CDC20B: variants seen among roughly 807,000 people sequenced by gnomAD.
CDC20B encodes cell division cycle 20B.
Under a neutral mutation model 64.1 loss-of-function variants are expected in CDC20B, and 58 were observed. That is an observed-to-expected ratio of 0.90 (90% CI 0.73 to 1.13). The LOEUF is 1.13. CDC20B is among the 50% of genes most tolerant of loss of function. The pLI is 0.00. For missense variants in CDC20B, 597 were observed against 633.0 expected (o/e 0.94, Z 0.61); for synonymous variants, 243 against 230.6 (o/e 1.05, Z -0.49).
At chr5:55,138,450 G>A (rs977870854) in intron 5 of CDC20B, among the ~76,000 whole-genome samples, 5 of 152,004 alleles carry the variant, frequency 3.3e-5, no homozygotes, top group South Asian at 4.2e-4. Flanking sequence ...TTGACCCACC[G>A]CGCCTATACT....
At chr5:55,118,139 AAAAG>A (rs1742667619) in intron 11 of CDC20B, among the ~76,000 whole-genome samples, 1 of 152,096 alleles carries the variant, frequency 6.6e-6, no homozygotes, top group Admixed American at 6.5e-5. Context: ...AATAAAAAGA[AAAAG>A]AAAAGAAGAA....
At chr5:55,117,968 A>C (rs770542719) in intron 11 of CDC20B, among the ~76,000 whole-genome samples, 3 of 151,880 alleles carry the variant, frequency 2.0e-5, no homozygotes, top group Admixed American at 1.3e-4. Context: ...TACACACAAA[A>C]ATTAGCCAGG....
chr5:55,167,082 C>T (rs1488400166), intron 2 of CDC20B: 1 of 152,104 alleles, frequency 6.6e-6, no homozygotes, highest in Non-Finnish European at 1.5e-5. Flanking sequence ...TATCAGGCAT[C>T]ACATGAAAGA....
At chr5:55,153,972 A>G (rs1387810028) in intron 2 of CDC20B, among the ~76,000 whole-genome samples, 1 of 152,208 alleles carries the variant, frequency 6.6e-6, no homozygotes, top group African/African-American at 2.4e-5. Context: ...GGTCCCATTA[A>G]CAGAAAAATA....
intron 11 of CDC20B, among the ~76,000 whole-genome samples, chr5:55,115,455 T>C (rs1389355602): frequency 6.6e-6 from 1 of 152,182 alleles, no homozygotes; most frequent in Non-Finnish European, 1.5e-5. Flanking sequence ...TTCTTTTAAT[T>C]TGAGCATCTC....
chr5:55,170,394 T>C, intron 2 of CDC20B: 1 of 377,796 alleles, frequency 2.6e-6, no homozygotes, highest in African/African-American at 2.1e-5. Flanking sequence ...CTTACCATTA[T>C]AAAACTGTGC....
intron 2 of CDC20B, chr5:55,170,522 T>C (rs774745711): frequency 1.9e-6 from 1 of 534,772 alleles, no homozygotes; most frequent in South Asian, 1.4e-5. Context: ...AGTTACACTC[T>C]GATGTTCATT....
At chr5:55,140,200 T>C in intron 5 of CDC20B, 114 bp downstream of exon 5, 1 of 546,994 alleles carries the variant, frequency 1.8e-6, no homozygotes, top group Non-Finnish European at 3.1e-6. Context: ...ATTTTACAAT[T>C]AGGTTGATTT....
At chr5:55,172,792 C>T in intron 1 of CDC20B, 142 bp from the exon 2 acceptor site, 1 of 758,844 alleles carries the variant, frequency 1.3e-6, no homozygotes, top group Non-Finnish European at 2.0e-6. Context: ...TAGGCACCTT[C>T]AGAATATAAC....
chr5:55,115,402 G>C (rs1256686669), intron 11 of CDC20B, among the ~76,000 whole-genome samples: 1 of 152,168 alleles, frequency 6.6e-6, no homozygotes, highest in African/African-American at 2.4e-5. Flanking sequence ...TCGGAGATGA[G>C]GCAACAACAG....
chr5:55,170,877 T>C (rs1580383360), intron 2 of CDC20B: 2 of 330,406 alleles, frequency 6.1e-6, no homozygotes, highest in East Asian at 1.6e-4. Flanking sequence ...CTATAAGAAA[T>C]AAAATCAATA....
At chr5:55,123,084 A>G (rs952723921) in intron 9 of CDC20B, among the ~76,000 whole-genome samples, 27 of 152,352 alleles carry the variant, frequency 1.8e-4, no homozygotes, top group African/African-American at 6.0e-4. Context: ...AAGAAAGACA[A>G]TGAGGAATTC....
chr5:55,122,356 A>G lies in CDC20B; in HGVS notation c.1216-1806T>C, dbSNP rs574700051. 7.9e-5 allele frequency among the ~76,000 whole-genome samples: 12 copies of G among 151,678 alleles called. No homozygotes were observed. The East Asian group carries it at 1.6e-3, about 20-fold the overall frequency. ...ACCACAAAGGGTCAATGAAGCCTCAATCTCCCTGGGGCTCAAGCGATCCAC... is the reference window on the plus strand; with the variant it reads ...ACCACAAAGGGTCAATGAAGCCTCAGTCTCCCTGGGGCTCAAGCGATCCAC... On this transcript the variant is annotated intron_variant, in intron 9 of 11. Transcript: ENST00000381375.
chr5:55,154,104 C>G (rs901027185), intron 2 of CDC20B, among the ~76,000 whole-genome samples: 1 of 152,148 alleles, frequency 6.6e-6, no homozygotes, highest in African/African-American at 2.4e-5. Context: ...AGGATTCGAA[C>G]CCTGAGTTCA....
intron 2 of CDC20B, among the ~76,000 whole-genome samples, chr5:55,156,595 G>T (rs755580048): frequency 2.0e-5 from 3 of 152,130 alleles, no homozygotes; most frequent in Non-Finnish European, 4.4e-5. Context: ...TAAGTCACTG[G>T]CCAGGCATGG....
At chr5:55,140,473 G>C in intron 4 of CDC20B, 66 bp from the exon 5 acceptor site, 1 of 1,049,718 alleles carries the variant, frequency 9.5e-7, no homozygotes, top group Non-Finnish European at 1.4e-6. Context: ...AAAATGTAAT[G>C]TATAATATAG....
intron 4 of CDC20B, among the ~76,000 whole-genome samples, chr5:55,142,658 T>C (rs1484197946): frequency 6.6e-6 from 1 of 152,092 alleles, no homozygotes; most frequent in Non-Finnish European, 1.5e-5. Flanking sequence ...TCAGTAGGAC[T>C]CCCCGGCCAT....
At position 55,173,165 on chromosome 5, in the gene CDC20B, C is replaced by T; in HGVS notation, c.-165G>A. 1.7e-6 allele frequency: 1 copy of T among 597,744 alleles called. No individual in the cohort carries two copies. Among genetic ancestry groups the T allele is most frequent in the Admixed American group, 3.1e-5 (1 of 32,466 alleles). The allele number at this position is 597,744 out of a possible 1,614,324, so 37.0% of individuals were successfully genotyped here. ...CCTCCCTCCAGGTCCCCCACTCCTC[C>T]CACCGCCGCTGCAAGGTGTTCCCCA... On this transcript the variant is annotated 5_prime_UTR_variant, in exon 1 of 12. Transcript: ENST00000381375.
chr5:55,166,526 T>G (rs2111601040), intron 2 of CDC20B: 1 of 152,350 alleles, frequency 6.6e-6, no homozygotes, highest in South Asian at 2.1e-4. Context: ...AATTAGGCTA[T>G]GTGTGCTGAG....
Sources: gnomAD v4.1 joint callset for allele counts (sites outside exome capture counted in the v4.1 genomes callset) on GRCh38, gnomAD v4.1.1 for gene constraint, MANE v1.5 for transcripts, NCBI Gene and HGNC (gene_info 2026-07-23, HGNC 2026-07-21) for gene names.